KIF9: variants seen among roughly 807,000 people sequenced by gnomAD.
KIF9 encodes the protein kinesin-like protein KIF9.
In KIF9, 68 loss-of-function variants were observed where a neutral mutation model predicts 94.8. The observed-to-expected ratio is 0.72, with a 90% CI of 0.59 to 0.88. The LOEUF (loss-of-function observed/expected upper bound fraction) is 0.88, where lower values mean the gene tolerates loss of function less well. Ranked by LOEUF, KIF9 falls within the 40% of genes least tolerant of loss-of-function variation. The probability of loss-of-function intolerance (pLI) is 0.00; values close to 1 mark genes in which losing one functional copy is unlikely to be tolerated. For synonymous variants in KIF9, 343 were observed against 362.1 expected (o/e 0.95, Z 0.60); for missense variants, 882 against 982.5 (o/e 0.90, Z 1.37).
intron 17 of KIF9, among the ~76,000 whole-genome samples, chr3:47,237,358 T>C (rs1699108038): frequency 6.6e-6 from 1 of 152,178 alleles, no homozygotes; most frequent in Non-Finnish European, 1.5e-5. Context: ...CCTCCCAAAG[T>C]GGTGGGATTA....
At position 47,250,753 on chromosome 3, in the gene KIF9, C is replaced by T. The variant is rs145850720; in HGVS notation, c.1060-2667G>A. On this transcript the variant is annotated intron_variant, in intron 10 of 20. Transcript: ENST00000684063. ...AGAACCCTCGCTGTGAACAATAGGA[C>T]TTCCTTTAGTTGTCATAAAAGGGCC... The T allele has an allele frequency of 5.5e-4, 114 of 207,390 alleles. 1 individual carries two copies. The highest frequency in any genetic ancestry group is 2.6e-3 in the African/African-American group (111 of 43,180). The allele number at this position is 207,390 out of a possible 1,614,324, so 12.8% of individuals were successfully genotyped here. A position where few individuals can be genotyped will look rare whatever the true frequency, so the allele number is the denominator to read the frequency against.
Position 47,282,675 on chromosome 3 carries a change from A to T in KIF9, c.-186T>A, listed in dbSNP as rs1702474916. 3.9e-6 allele frequency: 5 copies of T among 1,296,030 alleles called. No individual in the cohort carries two copies. The South Asian group carries it at 5.2e-5, about 13-fold the overall frequency. 80.3% of individuals were successfully genotyped at this position (1,296,030 alleles called of 1,614,324 possible). A position where few individuals can be genotyped will look rare whatever the true frequency, so the allele number is the denominator to read the frequency against. The stretch of plus-strand genomic sequence containing the variant: ...AGGTCCTACGTCGAGGATACGGGTG[A>T]GGTCATGGCCGAATCGGGAAGACGA... On this transcript the variant is annotated 5_prime_UTR_variant, in exon 1 of 21. Coordinates refer to ENST00000684063, the MANE Select transcript of KIF9 (RefSeq NM_182902.4).
chr3:47,243,593 A>G (rs897356081), intron 15 of KIF9: 6 of 179,228 alleles, frequency 3.3e-5, no homozygotes, highest in Admixed American at 1.2e-4. Flanking sequence ...GGTCTGAGTC[A>G]TACAGGCTTC....
chr3:47,239,937 G>A lies in KIF9; in HGVS notation c.1924+864C>T, dbSNP rs752839581. Reference sequence around the variant, plus strand: ...CTGTCTGGAAGAAGACAGTAAGACTGAGCCAGGAGTGTGAAGAACAGTGTG... The same window carrying A: ...CTGTCTGGAAGAAGACAGTAAGACTAAGCCAGGAGTGTGAAGAACAGTGTG... On this transcript the variant is annotated intron_variant, in intron 17 of 20. Transcript: ENST00000684063. The A allele has an allele frequency of 1.0e-5, 14 of 1,367,230 alleles. No homozygotes were observed. The African/African-American group carries it at 1.9e-4, about 19-fold the overall frequency. The allele number at this position is 1,367,230 out of a possible 1,614,324, so 84.7% of individuals were successfully genotyped here.
At chr3:47,275,970 A>G (rs1701940846) in intron 2 of KIF9, among the ~76,000 whole-genome samples, 1 of 152,126 alleles carries the variant, frequency 6.6e-6, no homozygotes, top group African/African-American at 2.4e-5. Context: ...CACACACGCT[A>G]TGAGCCAAAG....
At chr3:47,277,406 T>G (rs1284799853) in intron 1 of KIF9, 27 bp from the exon 2 acceptor site, 11 of 1,477,426 alleles carry the variant, frequency 7.4e-6, no homozygotes, top group Non-Finnish European at 9.5e-6. Context: ...AATGAAATTT[T>G]GAGTAGTCAT....
chr3:47,236,764 G>A, intron 17 of KIF9, 145 bp from the exon 18 acceptor site: 2 of 699,262 alleles, frequency 2.9e-6, no homozygotes, highest in Non-Finnish European at 4.8e-6. Flanking sequence ...AAGGAGATGG[G>A]CAAAGCACAA....
chr3:47,238,753 C>T (rs999413571), intron 17 of KIF9, among the ~76,000 whole-genome samples: 5 of 152,056 alleles, frequency 3.3e-5, no homozygotes, highest in Non-Finnish European at 7.4e-5. Flanking sequence ...CTCTGCCTCC[C>T]GGGTTTTACA....
Position 47,273,501 on chromosome 3 carries a change from G to T in KIF9, c.366+51C>A. 6 of 1,410,126 alleles carry T rather than the reference G, an allele frequency of 4.3e-6. No individual in the cohort carries two copies. The East Asian group carries it at 6.9e-5, about 16-fold the overall frequency. The allele number at this position is 1,410,126 out of a possible 1,614,324, so 87.4% of individuals were successfully genotyped here. On this transcript the variant is annotated intron_variant, in intron 4 of 20. Transcript: ENST00000684063. ...CTGGCCCAGGGTCAGTAACATCTAT[G>T]GCAGAGAGAGGGAACCTGTGTGGCA...
At chr3:47,247,333 C>G (rs1699990587) in intron 12 of KIF9, 40 bp downstream of exon 12, 1 of 1,424,394 alleles carries the variant, frequency 7.0e-7, no homozygotes, top group Admixed American at 1.7e-5. Flanking sequence ...CTGGGAGGCC[C>G]AGGCTGGCTG....
At position 47,253,687 on chromosome 3, in the gene KIF9, G is replaced by A. The variant is rs541368353; in HGVS notation, c.1059+3796C>T. The stretch of plus-strand genomic sequence containing the variant: ...TGTAAATAATAGAGACTGTCGTTTG[G>A]GCCACTTCAGGCATCTAGTCTTTTT... On this transcript the variant is annotated intron_variant, in intron 10 of 20. Transcript: ENST00000684063. 3.3e-5 allele frequency among the ~76,000 whole-genome samples: 5 copies of A among 152,062 alleles called. No homozygotes were observed. In the South Asian group the frequency reaches 1.0e-3, roughly 32 times the overall value.
At chr3:47,272,481 T>G (rs2107493170) in intron 4 of KIF9, among the ~76,000 whole-genome samples, 1 of 152,346 alleles carries the variant, frequency 6.6e-6, no homozygotes, top group African/African-American at 2.4e-5. Context: ...TTCAACATTT[T>G]ATGAAATCTA....
chr3:47,271,189 G>A (rs2107483461), intron 5 of KIF9, 48 bp downstream of exon 5: 1 of 1,287,790 alleles, frequency 7.8e-7, no homozygotes, highest in Non-Finnish European at 1.1e-6. Context: ...GAAGGAGGGT[G>A]GCAGGGAGGG....
chr3:47,244,360 G>A (rs2107207638), intron 15 of KIF9: 1 of 161,006 alleles, frequency 6.2e-6, no homozygotes, highest in East Asian at 1.8e-4. Context: ...GTGAACTGGA[G>A]TTTTAGGTGA....
intron 1 of KIF9, chr3:47,282,159 G>A (rs746418081): frequency 7.1e-6 from 7 of 980,796 alleles, no homozygotes; most frequent in Non-Finnish European, 8.5e-6. Context: ...GAAGGGCTCC[G>A]ACTGGTGATC....
At chr3:47,278,031 T>C (rs1019292280) in intron 1 of KIF9, among the ~76,000 whole-genome samples, 5 of 152,112 alleles carry the variant, frequency 3.3e-5, no homozygotes, top group South Asian at 2.1e-4. Context: ...CATATACATA[T>C]ATATAGTAGT....
chr3:47,236,337 G>A, intron 18 of KIF9, 106 bp downstream of exon 18: 1 of 1,301,682 alleles, frequency 7.7e-7, no homozygotes. Flanking sequence ...CCAGCCCCTG[G>A]CTCTGCCAGA....
intron 5 of KIF9, among the ~76,000 whole-genome samples, chr3:47,269,111 T>C (rs1279939303): frequency 1.3e-5 from 2 of 152,122 alleles, no homozygotes; most frequent in Non-Finnish European, 2.9e-5. Context: ...AAGATCCTGC[T>C]ATTGACGTTG....
At chr3:47,282,465 C>G in intron 1 of KIF9, 30 bp downstream of exon 1, 1 of 989,630 alleles carries the variant, frequency 1.0e-6, no homozygotes, top group Non-Finnish European at 1.2e-6. Context: ...CCCGTCTCCC[C>G]ACTCCCACCG....
Sources: allele counts gnomAD v4.1 joint callset (sites outside exome capture counted in the v4.1 genomes callset), GRCh38; gene constraint gnomAD v4.1.1; transcripts MANE v1.5; gene names NCBI Gene and HGNC (gene_info 2026-07-23, HGNC 2026-07-21).